Variants in NXPE2 observed in about 807,000 individuals in gnomAD.
NXPE2 encodes the protein neurexophilin and PC-esterase domain family member 2.
In NXPE2, 34 loss-of-function variants were observed where a neutral mutation model predicts 34.4. That is an observed-to-expected ratio of 0.99 (90% CI 0.75 to 1.31). The LOEUF is 1.31. Among genes scored for constraint, NXPE2 ranks in the 40% most tolerant of loss-of-function variants. The pLI is 0.00. For synonymous variants in NXPE2, 235 were observed against 231.3 expected, an observed-to-expected ratio of 1.02 and a Z score of -0.15; for missense variants, 649 against 672.5, an observed-to-expected ratio of 0.97 and a Z score of 0.39.
chr11:114,602,079 A>G, the NXPE2 span, among the ~76,000 whole-genome samples: 1 of 94,630 alleles, frequency 1.1e-5, no homozygotes, highest in South Asian at 3.4e-4. Context: ...TATATTCTAT[A>G]TTTTATTATA....
chr11:114,734,240 T>TAA, the NXPE2 span, among the ~76,000 whole-genome samples: 1 of 152,018 alleles, frequency 6.6e-6, no homozygotes, highest in African/African-American at 2.4e-5. Context: ...TGTATTTTGC[T>TAA]AAAAAAAATC....
At chr11:114,489,836 T>G in the NXPE2 span, among the ~76,000 whole-genome samples, 23 of 152,066 alleles carry the variant, frequency 1.5e-4, no homozygotes, top group African/African-American at 5.6e-4. Context: ...CTATTCAACA[T>G]AGGGTTGGAA....
the NXPE2 span, among the ~76,000 whole-genome samples, chr11:114,563,895 T>C: frequency 1.5e-4 from 23 of 152,160 alleles, no homozygotes; most frequent in Middle Eastern, 3.2e-3. Context: ...GTACAACCAT[T>C]GTGGAAAACA....
chr11:114,650,696 T>C, the NXPE2 span, among the ~76,000 whole-genome samples: 1 of 152,016 alleles, frequency 6.6e-6, no homozygotes, highest in Non-Finnish European at 1.5e-5. Flanking sequence ...GCTACCATCA[T>C]AAGTAGGGCA....
the NXPE2 span, among the ~76,000 whole-genome samples, chr11:114,739,019 A>C: frequency 1.3e-5 from 2 of 152,320 alleles, no homozygotes; most frequent in Non-Finnish European, 1.5e-5. Flanking sequence ...AGAAAATGAA[A>C]GTAGAAGACA....
the NXPE2 span, among the ~76,000 whole-genome samples, chr11:114,509,906 T>C: frequency 1.3e-5 from 2 of 152,136 alleles, no homozygotes; most frequent in Non-Finnish European, 2.9e-5. Context: ...AACCTGCACA[T>C]GTACCCCGAA....
At chr11:114,491,020 G>A in the NXPE2 span, among the ~76,000 whole-genome samples, 31 of 149,982 alleles carry the variant, frequency 2.1e-4, no homozygotes, top group South Asian at 4.3e-4. Flanking sequence ...AAATTAGCCG[G>A]GCGCGGTGGC....
chr11:114,678,486 T>C (rs1416160472), upstream of NXPE2: 5 of 1,025,918 alleles, frequency 4.9e-6, no homozygotes, highest in Admixed American at 4.7e-5. Flanking sequence ...ATGAAGCTCA[T>C]AGGGAAACTC....
chr11:114,660,908 G>A, the NXPE2 span, among the ~76,000 whole-genome samples: 153 of 152,132 alleles, frequency 1.0e-3, 1 homozygote, highest in African/African-American at 3.4e-3. Flanking sequence ...AAGGTTCAAC[G>A]TTAATATAAA....
chr11:114,666,507 T>C, the NXPE2 span, among the ~76,000 whole-genome samples: 1 of 152,288 alleles, frequency 6.6e-6, no homozygotes, highest in East Asian at 1.9e-4. Context: ...ATATGAACTT[T>C]CAAAGAAAAG....
chr11:114,619,255 A>C, the NXPE2 span, among the ~76,000 whole-genome samples: 1 of 150,070 alleles, frequency 6.7e-6, no homozygotes, highest in Non-Finnish European at 1.5e-5. Flanking sequence ...ATGCCTCTTG[A>C]GTAATCAATG....
At chr11:114,639,848 T>TATAATATATATTATATTAAATATAAA in the NXPE2 span, among the ~76,000 whole-genome samples, 1 of 102,310 alleles carries the variant, frequency 9.8e-6, no homozygotes, top group African/African-American at 4.1e-5. Context: ...AAATATAAAA[T>TATAATATATATTATATTAAATATAAA]ATAATATATA....
the NXPE2 span, among the ~76,000 whole-genome samples, chr11:114,617,685 A>G: frequency 6.8e-6 from 1 of 147,300 alleles, no homozygotes; most frequent in African/African-American, 2.5e-5. Flanking sequence ...CGGTGGATAA[A>G]AAGTACTGCC....
chr11:114,648,615 C>T, the NXPE2 span, among the ~76,000 whole-genome samples: 1 of 152,190 alleles, frequency 6.6e-6, no homozygotes, highest in East Asian at 1.9e-4. Flanking sequence ...TAAAATTAAT[C>T]ATCGTGTCTA....
the NXPE2 span, among the ~76,000 whole-genome samples, chr11:114,537,473 A>T: frequency 6.6e-6 from 1 of 152,186 alleles, no homozygotes; most frequent in Non-Finnish European, 1.5e-5. Flanking sequence ...TTCAATTAGG[A>T]AAAGAGGAAG....
At chr11:114,571,536 T>G in the NXPE2 span, 9 of 1,390,220 alleles carry the variant, frequency 6.5e-6, no homozygotes, top group Non-Finnish European at 8.8e-6. Flanking sequence ...TGAGTAGATA[T>G]AAAGATGGAA....
the NXPE2 span, among the ~76,000 whole-genome samples, chr11:114,547,151 A>T: frequency 6.6e-6 from 1 of 152,140 alleles, no homozygotes; most frequent in African/African-American, 2.4e-5. Flanking sequence ...GGCAGAAGGA[A>T]GAGTAATCTT....
the NXPE2 span, among the ~76,000 whole-genome samples, chr11:114,540,940 G>A: frequency 7.3e-6 from 1 of 136,610 alleles, no homozygotes; most frequent in South Asian, 2.3e-4. Flanking sequence ...GGATGGAGGG[G>A]GAAATCCCAG....
the NXPE2 span, among the ~76,000 whole-genome samples, chr11:114,617,080 T>A: frequency 1.3e-5 from 2 of 151,584 alleles, no homozygotes; most frequent in African/African-American, 4.9e-5. Flanking sequence ...GGGTAACAAC[T>A]GTTAATGCAT....
Sources: gnomAD v4.1 joint callset for allele counts (sites outside exome capture counted in the v4.1 genomes callset) on GRCh38, gnomAD v4.1.1 for gene constraint, MANE v1.5 for transcripts, NCBI Gene and HGNC (gene_info 2026-07-23, HGNC 2026-07-21) for gene names.